The following IFT43 variants were observed in gnomAD, a reference collection of about 807,000 sequenced individuals.
IFT43 encodes the protein intraflagellar transport 43, also known as intraflagellar transport protein 43 homolog.
A neutral mutation model predicts 32.3 loss-of-function variants in IFT43; 33 were observed. The ratio of observed to expected loss-of-function variants is 1.02; its 90% confidence interval spans 0.77 to 1.37. IFT43 has a LOEUF of 1.37. Ranked by LOEUF, IFT43 falls within the 40% of genes most tolerant of loss-of-function variation. The pLI is 0.00. For missense variants in IFT43, 274 were observed against 265.9 expected (o/e 1.03, Z -0.21); for synonymous variants, 93 against 98.2 (o/e 0.95, Z 0.31).
intron 2 of IFT43, 26 bp downstream of exon 2, chr14:75,989,003 T>A: frequency 6.2e-7 from 1 of 1,612,752 alleles, no homozygotes; most frequent in Non-Finnish European, 8.5e-7. Flanking sequence ...AAAGAAAATC[T>A]GAAGAAATAC....
intron 2 of IFT43, among the ~76,000 whole-genome samples, chr14:76,022,076 CCCTGTCTCTA>C (rs1317262146): frequency 1.3e-5 from 2 of 152,076 alleles, no homozygotes; most frequent in Non-Finnish European, 2.9e-5. Context: ...CATGGTGAAA[CCCTGTCTCTA>C]CTAAAAATAC....
chr14:76,011,363 T>G (rs1051585296), intron 2 of IFT43, among the ~76,000 whole-genome samples: 1 of 152,222 alleles, frequency 6.6e-6, no homozygotes, highest in Non-Finnish European at 1.5e-5. Context: ...GAAATCAAAT[T>G]GGAAGGCTTG....
chr14:76,017,704 T>G (rs1256312780), intron 2 of IFT43, among the ~76,000 whole-genome samples: 1 of 152,134 alleles, frequency 6.6e-6, no homozygotes, highest in Non-Finnish European at 1.5e-5. Context: ...TTGGGAGGCT[T>G]TTTATTACTG....
At chr14:76,046,621 A>C (rs1400333976) in intron 3 of IFT43, among the ~76,000 whole-genome samples, 1 of 152,214 alleles carries the variant, frequency 6.6e-6, no homozygotes, top group Non-Finnish European at 1.5e-5. Flanking sequence ...TGGTGGTAGC[A>C]ACAGCCACTG....
intron 1 of IFT43, chr14:75,986,210 A>C: frequency 7.7e-7 from 1 of 1,306,166 alleles, no homozygotes; most frequent in African/African-American, 1.5e-5. Context: ...CTCCCATCCT[A>C]GAGTTTTTCC....
At chr14:76,061,072 G>T (rs61291022) in intron 5 of IFT43, among the ~76,000 whole-genome samples, 51,175 of 151,640 alleles carry the variant, frequency 0.34, 8,705 homozygotes, top group African/African-American at 0.36. Flanking sequence ...TGGCTAATTT[G>T]TGTATTTTTA....
At chr14:76,042,823 T>G (rs1442481665) in intron 3 of IFT43, among the ~76,000 whole-genome samples, 2 of 152,184 alleles carry the variant, frequency 1.3e-5, no homozygotes, top group Non-Finnish European at 2.9e-5. Flanking sequence ...CTGCTTCTGG[T>G]TTCGGGGCCT....
chr14:76,016,252 T>C (rs1014261422), intron 2 of IFT43, among the ~76,000 whole-genome samples: 2 of 152,158 alleles, frequency 1.3e-5, no homozygotes, highest in Admixed American at 6.6e-5. Flanking sequence ...AGATGGGGGC[T>C]CTGGTTTTAT....
At chr14:76,051,018 T>C (rs181572756) in intron 3 of IFT43, among the ~76,000 whole-genome samples, 1 of 151,864 alleles carries the variant, frequency 6.6e-6, no homozygotes, top group Non-Finnish European at 1.5e-5. Context: ...AGGAATTGCC[T>C]TGTGATTCAC....
intron 2 of IFT43, among the ~76,000 whole-genome samples, chr14:75,998,142 T>C (rs1238470819): frequency 1.3e-5 from 2 of 152,184 alleles, no homozygotes. Flanking sequence ...TTTGTAATCA[T>C]ATGTTTGTGT....
chr14:76,036,793 C>G (rs2036608717), intron 3 of IFT43, among the ~76,000 whole-genome samples: 1 of 150,992 alleles, frequency 6.6e-6, no homozygotes, highest in African/African-American at 2.4e-5. Context: ...TTCTCTTCCT[C>G]CCTCCCTTCC....
chr14:76,029,218 A>G (rs111496972), intron 3 of IFT43, among the ~76,000 whole-genome samples: 2,005 of 152,274 alleles, frequency 0.013, 47 homozygotes, highest in African/African-American at 0.046. Flanking sequence ...TCTGATAGTG[A>G]TGTTAAGCAT....
At chr14:76,016,928 C>G (rs923659393) in intron 2 of IFT43, among the ~76,000 whole-genome samples, 2 of 152,026 alleles carry the variant, frequency 1.3e-5, no homozygotes, top group Non-Finnish European at 2.9e-5. Flanking sequence ...TTCATTTATT[C>G]ATTCTAAGAA....
At chr14:76,075,391 G>A (rs1042605365) in intron 5 of IFT43, among the ~76,000 whole-genome samples, 1 of 152,172 alleles carries the variant, frequency 6.6e-6, no homozygotes, top group Admixed American at 6.5e-5. Flanking sequence ...GGGACCGCTC[G>A]GGAGCTCCTC....
chr14:76,039,710 G>A lies in IFT43; in HGVS notation c.215+17316G>A, dbSNP rs143362592. Among the ~76,000 whole-genome samples, 554 of 152,208 alleles carry A rather than the reference G, an allele frequency of 3.6e-3. 4 individuals are homozygous for A. Among genetic ancestry groups the A allele is most frequent in the African/African-American group, 0.013 (535 of 41,540 alleles). On this transcript the variant is annotated intron_variant, in intron 3 of 8. Transcript: ENST00000314067. ...TAGAATTCAAAAGATATGAAAGAGT[G>A]GGATATGAAACCTGAGTCTCTCTCT...
At chr14:76,007,722 A>G (rs1214833738) in intron 2 of IFT43, among the ~76,000 whole-genome samples, 2 of 152,228 alleles carry the variant, frequency 1.3e-5, no homozygotes, top group African/African-American at 4.8e-5. Context: ...GTTTTGGTTT[A>G]TGATGAATGT....
At chr14:76,020,315 T>C (rs1004695817) in intron 2 of IFT43, among the ~76,000 whole-genome samples, 2 of 152,108 alleles carry the variant, frequency 1.3e-5, no homozygotes, top group Admixed American at 6.5e-5. Flanking sequence ...CCTCACTGAG[T>C]TTCTTTAATA....
At chr14:76,018,148 T>C (rs2036223666) in intron 2 of IFT43, among the ~76,000 whole-genome samples, 1 of 152,002 alleles carries the variant, frequency 6.6e-6, no homozygotes, top group Admixed American at 6.5e-5. Context: ...AGCTTGTTCA[T>C]TCAGAATCTT....
intron 3 of IFT43, among the ~76,000 whole-genome samples, chr14:76,050,534 C>G (rs1435389405): frequency 6.6e-6 from 1 of 152,042 alleles, no homozygotes; most frequent in Non-Finnish European, 1.5e-5. Context: ...GTTGCTTAGG[C>G]TGGTCTTAAA....
Sources: gnomAD v4.1 joint callset for allele counts (sites outside exome capture counted in the v4.1 genomes callset) on GRCh38, gnomAD v4.1.1 for gene constraint, MANE v1.5 for transcripts, NCBI Gene and HGNC (gene_info 2026-07-23, HGNC 2026-07-21) for gene names.